The following FHIT variants were observed in gnomAD, a reference collection of about 807,000 sequenced individuals.
FHIT encodes bis(5'-adenosyl)-triphosphatase.
A neutral mutation model predicts 17.9 loss-of-function variants in FHIT; 19 were observed. The ratio of observed to expected loss-of-function variants is 1.06; its 90% CI spans 0.74 to 1.56. The LOEUF (loss-of-function observed/expected upper bound fraction) is 1.56. Ranked by LOEUF, FHIT falls within the 40% of genes most tolerant of loss-of-function variation. The pLI, the probability that FHIT is intolerant of heterozygous loss-of-function variation, is 0.00. For synonymous variants in FHIT, 81 were observed against 69.7 expected, an observed-to-expected ratio of 1.16 and a Z score of -0.81; for missense variants, 248 against 189.2, an observed-to-expected ratio of 1.31 and a Z score of -1.82.
intron 8 of FHIT, among the ~76,000 whole-genome samples, chr3:59,861,558 T>C (rs1702405708): frequency 6.6e-6 from 1 of 152,144 alleles, no homozygotes; most frequent in Admixed American, 6.5e-5. Context: ...AAATAATCAC[T>C]AACTAAAAAT....
At chr3:60,283,113 C>T (rs17062681) in intron 5 of FHIT, among the ~76,000 whole-genome samples, 3,559 of 152,202 alleles carry the variant, frequency 0.023, 67 homozygotes, top group Middle Eastern at 0.071. Context: ...GGCCTCTGTT[C>T]ATGTTCTCCA....
At chr3:60,547,165 A>G (rs538073659) in intron 4 of FHIT, among the ~76,000 whole-genome samples, 57 of 152,352 alleles carry the variant, frequency 3.7e-4, no homozygotes, top group Middle Eastern at 3.4e-3. Flanking sequence ...TCAGATAAGT[A>G]AAATTGCTGA....
intron 5 of FHIT, among the ~76,000 whole-genome samples, chr3:60,186,631 G>C (rs1702170890): frequency 6.6e-6 from 1 of 152,052 alleles, no homozygotes; most frequent in South Asian, 2.1e-4. Context: ...CTCCTAAATG[G>C]TTTATAATCA....
At chr3:60,012,692 G>A (rs1404020190) in intron 6 of FHIT, among the ~76,000 whole-genome samples, 1 of 152,098 alleles carries the variant, frequency 6.6e-6, no homozygotes, top group Non-Finnish European at 1.5e-5. Flanking sequence ...ATGTGTGTCA[G>A]GGGAGACAGG....
chr3:60,102,888 T>C (rs1293247648), intron 5 of FHIT, among the ~76,000 whole-genome samples: 1 of 152,182 alleles, frequency 6.6e-6, no homozygotes, highest in African/African-American at 2.4e-5. Context: ...ATCACAATTA[T>C]AGATTTGGTG....
At chr3:60,699,189 C>T (rs943122826) in intron 4 of FHIT, among the ~76,000 whole-genome samples, 1 of 152,018 alleles carries the variant, frequency 6.6e-6, no homozygotes, top group Admixed American at 6.5e-5. Context: ...ACAGCTTTTT[C>T]CACTACTGTA....
At chr3:61,140,457 G>A (rs2037048341) in intron 2 of FHIT, among the ~76,000 whole-genome samples, 1 of 152,156 alleles carries the variant, frequency 6.6e-6, no homozygotes, top group African/African-American at 2.4e-5. Context: ...ATGCAAAAGA[G>A]GAAATATAAA....
chr3:59,817,076 C>T (rs2106637961), intron 8 of FHIT, among the ~76,000 whole-genome samples: 1 of 152,334 alleles, frequency 6.6e-6, no homozygotes, highest in East Asian at 1.9e-4. Flanking sequence ...GTGCTCTCCG[C>T]AGACCCCAGC....
At chr3:61,049,141 T>C (rs916375701) in intron 2 of FHIT, among the ~76,000 whole-genome samples, 2 of 151,706 alleles carry the variant, frequency 1.3e-5, no homozygotes, top group Middle Eastern at 3.4e-3. Context: ...TATATGTATA[T>C]ATATTTTTAA....
chr3:59,906,792 A>C (rs1575675475), intron 8 of FHIT, among the ~76,000 whole-genome samples: 1 of 152,354 alleles, frequency 6.6e-6, no homozygotes, highest in African/African-American at 2.4e-5. Context: ...GATGATATTT[A>C]AGTTTGTGCC....
chr3:60,641,681 A>G (rs1386283886), intron 4 of FHIT, among the ~76,000 whole-genome samples: 2 of 152,132 alleles, frequency 1.3e-5, no homozygotes, highest in East Asian at 1.9e-4. Flanking sequence ...GAATTTCACC[A>G]TCCTTCTTCT....
intron 5 of FHIT, among the ~76,000 whole-genome samples, chr3:60,365,391 G>C (rs974675944): frequency 6.6e-6 from 1 of 152,058 alleles, no homozygotes; most frequent in Non-Finnish European, 1.5e-5. Context: ...TTTTTCAGTA[G>C]TTCATTATAT....
chr3:60,669,376 A>T (rs2040459294), intron 4 of FHIT, among the ~76,000 whole-genome samples: 1 of 152,198 alleles, frequency 6.6e-6, no homozygotes, highest in Non-Finnish European at 1.5e-5. Context: ...TGGTCATCAC[A>T]ATCTCACAAT....
intron 5 of FHIT, among the ~76,000 whole-genome samples, chr3:60,112,061 A>C (rs919679411): frequency 6.6e-6 from 1 of 152,228 alleles, no homozygotes; most frequent in Non-Finnish European, 1.5e-5. Context: ...TGGCTCAGTG[A>C]AGCTAAGTAT....
intron 4 of FHIT, among the ~76,000 whole-genome samples, chr3:60,626,080 C>T (rs2039277364): frequency 6.6e-6 from 1 of 152,120 alleles, no homozygotes; most frequent in Admixed American, 6.5e-5. Context: ...CAGTTCTATG[C>T]CATTGATCTT....
intron 7 of FHIT, among the ~76,000 whole-genome samples, chr3:59,986,991 TA>T (rs1709002500): frequency 7.7e-6 from 1 of 129,180 alleles, no homozygotes; most frequent in African/African-American, 2.9e-5. Flanking sequence ...AAATATTTTA[TA>T]TTTTATATAT....
At chr3:60,081,806 T>C (rs940539830) in intron 5 of FHIT, among the ~76,000 whole-genome samples, 3 of 152,100 alleles carry the variant, frequency 2.0e-5, no homozygotes, top group African/African-American at 7.2e-5. Flanking sequence ...ATAACAGCCA[T>C]GCATGCCAGG....
At chr3:59,785,468 C>T (rs1333034258) in intron 8 of FHIT, among the ~76,000 whole-genome samples, 1 of 152,052 alleles carries the variant, frequency 6.6e-6, no homozygotes, top group Non-Finnish European at 1.5e-5. Flanking sequence ...CATCATCATA[C>T]CCAGCTAATT....
chr3:59,825,362 G>A (rs1222249585), intron 8 of FHIT, among the ~76,000 whole-genome samples: 2 of 152,188 alleles, frequency 1.3e-5, no homozygotes, highest in Admixed American at 6.5e-5. Flanking sequence ...CTCAGTGTGT[G>A]TTAATGGCAC....
Sources: gnomAD v4.1 joint callset for allele counts (sites outside exome capture counted in the v4.1 genomes callset) on GRCh38, gnomAD v4.1.1 for gene constraint, MANE v1.5 for transcripts, NCBI Gene and HGNC (gene_info 2026-07-23, HGNC 2026-07-21) for gene names.